PCDH15: variants seen among roughly 807,000 people sequenced by gnomAD.
The protein encoded by PCDH15 is protocadherin related 15.
A neutral mutation model predicts 178.5 loss-of-function variants in PCDH15; 129 were observed. That is an observed-to-expected ratio of 0.72 (90% CI 0.63 to 0.84). The LOEUF is 0.84. PCDH15 is among the 40% of genes least tolerant of loss of function. The pLI, the probability that PCDH15 is intolerant of heterozygous loss-of-function variation, is 0.00. For synonymous variants in PCDH15, 800 were observed against 732.0 expected, an observed-to-expected ratio of 1.09 and a Z score of -1.50; for missense variants, 2,230 against 2,099.9, an observed-to-expected ratio of 1.06 and a Z score of -1.21.
chr10:54,371,675 T>G (rs1947690441), intron 4 of PCDH15, among the ~76,000 whole-genome samples: 1 of 151,830 alleles, frequency 6.6e-6, no homozygotes, highest in African/African-American at 2.4e-5. Context: ...GTAACTCATA[T>G]GCACCTACTA....
intron 2 of PCDH15, among the ~76,000 whole-genome samples, chr10:55,131,740 C>T (rs141687378): frequency 3.8e-4 from 56 of 148,212 alleles, no homozygotes; most frequent in African/African-American, 1.3e-3. Context: ...CAGGTCATTC[C>T]ATCATCTGCC....
rs530267885 is a variant in PCDH15, at chr10:55,609,341, A to G, written c.-156+18284T>C. 8.5e-5 allele frequency among the ~76,000 whole-genome samples: 13 copies of G among 152,290 alleles called. No individual in the cohort carries two copies. In the South Asian group the frequency reaches 1.2e-3, roughly 15 times the overall value. ...ACAAGTTGTGTGAAGATGGGCATGCACTATGCCTTCAAACCTTGGTCTTTA... is the reference window on the plus strand; with the variant it reads ...ACAAGTTGTGTGAAGATGGGCATGCGCTATGCCTTCAAACCTTGGTCTTTA... On this transcript the variant is annotated intron_variant, in intron 2 of 5. Transcript: ENST00000613346.
intron 2 of PCDH15, among the ~76,000 whole-genome samples, chr10:55,587,222 A>T (rs182361264): frequency 2.0e-5 from 3 of 152,250 alleles, no homozygotes; most frequent in Admixed American, 2.0e-4. Flanking sequence ...TTTTATAATC[A>T]CAATACTTCA....
chr10:54,165,572 G>A (rs1476098521), intron 13 of PCDH15, among the ~76,000 whole-genome samples: 1 of 152,062 alleles, frequency 6.6e-6, no homozygotes, highest in African/African-American at 2.4e-5. Context: ...CTGGAAACTG[G>A]AACCTTAAGT....
intron 8 of PCDH15, among the ~76,000 whole-genome samples, chr10:54,274,615 ATTGTGTGTGT>A (rs1564840343): frequency 1.2e-5 from 1 of 81,090 alleles, no homozygotes; most frequent in African/African-American, 5.9e-5. Context: ...ACTCAGTTTA[ATTGTGTGTGT>A]GTGTGTGTGT....
intron 5 of PCDH15, among the ~76,000 whole-genome samples, chr10:54,367,827 A>G (rs1947040900): frequency 6.6e-6 from 1 of 151,490 alleles, no homozygotes; most frequent in Non-Finnish European, 1.5e-5. Flanking sequence ...ATATGTGTGT[A>G]TATATATACA....
intron 2 of PCDH15, among the ~76,000 whole-genome samples, chr10:54,967,490 A>C (rs2131890362): frequency 6.6e-6 from 1 of 152,280 alleles, no homozygotes; most frequent in Non-Finnish European, 1.5e-5. Flanking sequence ...TAAAAGTATA[A>C]ATTATGTATA....
intron 2 of PCDH15, among the ~76,000 whole-genome samples, chr10:54,646,083 T>C (rs189143921): frequency 1.5e-4 from 23 of 152,220 alleles, no homozygotes; most frequent in African/African-American, 5.3e-4. Flanking sequence ...TTATCGCATG[T>C]TAATCCTCTG....
At chr10:54,725,540 T>TTTTATATATATATATA (rs1942357363) in intron 1 of PCDH15, among the ~76,000 whole-genome samples, 1 of 119,802 alleles carries the variant, frequency 8.3e-6, no homozygotes, top group African/African-American at 3.0e-5. Flanking sequence ...ATAAATATAA[T>TTTTATATATATATATA]TATATATATA....
chr10:55,589,763 A>G (rs1309664461), intron 2 of PCDH15, among the ~76,000 whole-genome samples: 6 of 149,766 alleles, frequency 4.0e-5, no homozygotes, highest in Non-Finnish European at 6.0e-5. Flanking sequence ...CCACAATGAG[A>G]TACCATCTCA....
At chr10:55,285,868 C>G (rs1842857492) in intron 1 of PCDH15, among the ~76,000 whole-genome samples, 1 of 151,930 alleles carries the variant, frequency 6.6e-6, no homozygotes, top group Non-Finnish European at 1.5e-5. Flanking sequence ...ATGAAATCAT[C>G]TAGCTGTGCC....
intron 8 of PCDH15, among the ~76,000 whole-genome samples, chr10:54,303,999 G>C (rs2060306964): frequency 6.6e-6 from 1 of 151,752 alleles, no homozygotes; most frequent in African/African-American, 2.4e-5. Flanking sequence ...CATGTCTTCA[G>C]ATACATTGTC....
At chr10:54,765,923 A>G (rs891445902) in intron 1 of PCDH15, among the ~76,000 whole-genome samples, 3 of 152,170 alleles carry the variant, frequency 2.0e-5, no homozygotes, top group African/African-American at 7.2e-5. Context: ...TCACATGGCA[A>G]TAACATTCTG....
At chr10:54,152,684 CTGTGTG>C (rs553644491) in intron 14 of PCDH15, among the ~76,000 whole-genome samples, 3 of 149,192 alleles carry the variant, frequency 2.0e-5, no homozygotes, top group African/African-American at 4.9e-5. Flanking sequence ...TTTTAGCTTG[CTGTGTG>C]TGTGTGTGTG....
intron 20 of PCDH15, among the ~76,000 whole-genome samples, chr10:53,996,353 T>C (rs748808596): frequency 6.6e-5 from 10 of 152,176 alleles, no homozygotes; most frequent in Admixed American, 1.3e-4. Flanking sequence ...GTTAATTTAC[T>C]GAATTTTTTT....
At chr10:53,959,292 A>C (rs1038063804) in intron 23 of PCDH15, among the ~76,000 whole-genome samples, 2 of 150,994 alleles carry the variant, frequency 1.3e-5, no homozygotes, top group Non-Finnish European at 2.9e-5. Context: ...CACATGCACT[A>C]CATATTTACA....
chr10:54,516,102 A>T (rs1303848762), intron 3 of PCDH15, among the ~76,000 whole-genome samples: 1 of 152,176 alleles, frequency 6.6e-6, no homozygotes, highest in African/African-American at 2.4e-5. Flanking sequence ...CTCCTCCTCC[A>T]AAGGAATGCA....
intron 3 of PCDH15, among the ~76,000 whole-genome samples, chr10:54,893,470 C>T (rs1954498321): frequency 2.0e-5 from 3 of 151,924 alleles, no homozygotes; most frequent in Admixed American, 6.6e-5. Flanking sequence ...ACTATTATCT[C>T]CATATTCTCA....
intron 2 of PCDH15, among the ~76,000 whole-genome samples, chr10:55,553,208 TAA>T (rs777507518): frequency 2.9e-5 from 4 of 138,386 alleles, no homozygotes; most frequent in African/African-American, 1.1e-4. Flanking sequence ...GCTAGGTTAA[TAA>T]AAAAAAAAAA....
Sources: allele counts gnomAD v4.1 joint callset (sites outside exome capture counted in the v4.1 genomes callset), GRCh38; gene constraint gnomAD v4.1.1; transcripts MANE v1.5; gene names NCBI Gene and HGNC (gene_info 2026-07-23, HGNC 2026-07-21).